The following FABP12 variants were observed in gnomAD, a reference collection of about 807,000 sequenced individuals.
The protein encoded by FABP12 is fatty acid binding protein 12.
In FABP12, 19 loss-of-function variants were observed where a neutral mutation model predicts 13.7. The observed-to-expected ratio is 1.39, with a 90% CI of 0.97 to 2.04. FABP12 has a LOEUF of 2.04. Ranked by LOEUF, FABP12 falls within the 30% of genes most tolerant of loss-of-function variation. FABP12 has a pLI of 0.00. For synonymous variants in FABP12, 61 were observed against 57.0 expected, an observed-to-expected ratio of 1.07 and a Z score of -0.32; for missense variants, 182 against 164.2, an observed-to-expected ratio of 1.11 and a Z score of -0.59.
At chr8:81,525,042 A>G in exon 5 of FABP12, 1 of 1,586,472 alleles carries the variant, frequency 6.3e-7, no homozygotes, top group Non-Finnish European at 8.6e-7. Flanking sequence ...AGCTTGAGAA[A>G]GCCTTAAGAG....
At chr8:81,532,995 A>C (rs1809118029) in intron 1 of FABP12, 1 of 152,206 alleles carries the variant, frequency 6.6e-6, no homozygotes, top group African/African-American at 2.4e-5. Flanking sequence ...AATTCCCAGG[A>C]TTTTTCAAGA....
exon 3 of FABP12, chr8:81,529,455 C>T: frequency 6.2e-7 from 1 of 1,613,904 alleles, no homozygotes; most frequent in Non-Finnish European, 8.5e-7. Context: ...TTGTGGCCAC[C>T]TGGCGTGATT....
intron 1 of FABP12, among the ~76,000 whole-genome samples, chr8:81,569,025 A>G (rs1809878174): frequency 1.3e-5 from 2 of 152,200 alleles, no homozygotes; most frequent in Admixed American, 6.5e-5. Flanking sequence ...ATAATTAGAT[A>G]GAATGAATAA....
chr8:81,547,169 G>C (rs1434274398), intron 1 of FABP12, among the ~76,000 whole-genome samples: 1 of 152,186 alleles, frequency 6.6e-6, no homozygotes, highest in East Asian at 1.9e-4. Context: ...CTGACACAGG[G>C]ACCAAGTTTA....
rs144366633 is a variant in FABP12, at chr8:81,529,199, C to T, written c.246+239G>A. On this transcript the variant is annotated intron_variant, in intron 3 of 4. Coordinates refer to ENST00000360464, the Ensembl canonical transcript of FABP12. ...GATTCTCAAAATGTGGTCTGCTAAGCGTCTGCATCAGATTCATTAAAAATG... is the reference window on the plus strand; with the variant it reads ...GATTCTCAAAATGTGGTCTGCTAAGTGTCTGCATCAGATTCATTAAAAATG... 1.2e-3 allele frequency among the ~76,000 whole-genome samples: 190 copies of T among 152,268 alleles called. No individual in the cohort carries two copies. In the East Asian group the frequency reaches 0.032, roughly 26 times the overall value.
intron 1 of FABP12, among the ~76,000 whole-genome samples, chr8:81,566,345 T>C (rs1484119944): frequency 5.3e-5 from 8 of 151,826 alleles, no homozygotes; most frequent in Non-Finnish European, 1.2e-4. Flanking sequence ...AATACCAAAA[T>C]CACACAAAGA....
At chr8:81,578,648 G>C (rs2130095973) in intron 1 of FABP12, among the ~76,000 whole-genome samples, 1 of 151,230 alleles carries the variant, frequency 6.6e-6, no homozygotes, top group South Asian at 2.1e-4. Context: ...ACCATGCCCG[G>C]CTAATTTTTG....
intron 1 of FABP12, among the ~76,000 whole-genome samples, chr8:81,555,522 A>G (rs1809597120): frequency 6.6e-6 from 1 of 152,244 alleles, no homozygotes; most frequent in Non-Finnish European, 1.5e-5. Context: ...AAATGTATTC[A>G]GTGACTAATG....
chr8:81,536,594 C>G (rs1428528122), upstream of FABP12, among the ~76,000 whole-genome samples: 1 of 152,210 alleles, frequency 6.6e-6, no homozygotes, highest in Non-Finnish European at 1.5e-5. Flanking sequence ...TAGGATAGGT[C>G]TTTCCCACCA....
chr8:81,557,349 C>G (rs1021383052), intron 1 of FABP12, among the ~76,000 whole-genome samples: 1 of 152,180 alleles, frequency 6.6e-6, no homozygotes, highest in Non-Finnish European at 1.5e-5. Context: ...TATTTTAAGA[C>G]AGTTGGCATT....
At chr8:81,548,737 G>A (rs186347684) in intron 1 of FABP12, among the ~76,000 whole-genome samples, 5 of 152,242 alleles carry the variant, frequency 3.3e-5, no homozygotes, top group Admixed American at 3.3e-4. Context: ...TGGCAGATAA[G>A]AAAGTGGTTT....
chr8:81,529,545 C>T (rs1809005820), exon 3 of FABP12: 2 of 1,613,894 alleles, frequency 1.2e-6, no homozygotes, highest in African/African-American at 1.3e-5. Context: ...ATGACATCTC[C>T]ATCTGTACTG....
intron 1 of FABP12, among the ~76,000 whole-genome samples, chr8:81,581,094 G>C (rs1810149828): frequency 6.6e-6 from 1 of 152,152 alleles, no homozygotes; most frequent in African/African-American, 2.4e-5. Flanking sequence ...AAATCAACAG[G>C]ACGGGGAAAA....
intron 2 of FABP12, among the ~76,000 whole-genome samples, chr8:81,539,536 C>T (rs1477064938): frequency 4.3e-5 from 6 of 138,606 alleles, no homozygotes; most frequent in East Asian, 4.6e-4. Context: ...ACATCTTTTG[C>T]GTGAATACTG....
At chr8:81,581,523 T>C (rs1810163156) in intron 1 of FABP12, among the ~76,000 whole-genome samples, 1 of 152,196 alleles carries the variant, frequency 6.6e-6, no homozygotes, top group East Asian at 1.9e-4. Flanking sequence ...CTCCATGGCA[T>C]ATTATAGTCA....
At chr8:81,536,575 A>G (rs1282907350), upstream of FABP12, among the ~76,000 whole-genome samples, 1 of 152,240 alleles carries the variant, frequency 6.6e-6, no homozygotes, top group Admixed American at 6.5e-5. Flanking sequence ...CTACTAAAGG[A>G]AAGATCCCTA....
chr8:81,566,166 C>T (rs1160309177), intron 1 of FABP12, among the ~76,000 whole-genome samples: 2 of 151,886 alleles, frequency 1.3e-5, no homozygotes, highest in Non-Finnish European at 2.9e-5. Flanking sequence ...AGATAGAAGC[C>T]ATAATAAAAA....
chr8:81,578,118 G>A (rs977299921), intron 1 of FABP12, among the ~76,000 whole-genome samples: 8 of 152,158 alleles, frequency 5.3e-5, no homozygotes, highest in East Asian at 3.9e-4. Context: ...ACACAGCCTC[G>A]TTTAATATAG....
chr8:81,587,921 C>T (rs534206531), intron 1 of FABP12, among the ~76,000 whole-genome samples: 1 of 152,276 alleles, frequency 6.6e-6, no homozygotes, highest in South Asian at 2.1e-4. Flanking sequence ...GCCGACAGTG[C>T]AGCCTTCAGT....
Sources: gnomAD v4.1 joint callset for allele counts (sites outside exome capture counted in the v4.1 genomes callset) on GRCh38, gnomAD v4.1.1 for gene constraint, MANE v1.5 for transcripts, NCBI Gene and HGNC (gene_info 2026-07-23, HGNC 2026-07-21) for gene names.